DENND1B: variants seen among roughly 807,000 people sequenced by gnomAD.
DENND1B encodes DENN domain-containing protein 1B.
A neutral mutation model predicts 90.1 loss-of-function variants in DENND1B; 59 were observed. The observed-to-expected ratio is 0.65, with a 90% CI of 0.53 to 0.81. The LOEUF (loss-of-function observed/expected upper bound fraction) is 0.81. Among genes scored for constraint, DENND1B ranks in the 40% least tolerant of loss-of-function variants. The pLI is 0.00. For synonymous variants in DENND1B, 337 were observed against 324.6 expected (o/e 1.04, Z -0.41); for missense variants, 862 against 912.6 (o/e 0.94, Z 0.71).
chr1:197,676,619 C>T (rs1270500137), intron 3 of DENND1B, among the ~76,000 whole-genome samples: 1 of 151,078 alleles, frequency 6.6e-6, no homozygotes, highest in Non-Finnish European at 1.5e-5. Context: ...TATTTTTATG[C>T]CAAAAGAGTA....
chr1:197,538,656 ATTTT>A (rs67761711), intron 20 of DENND1B, among the ~76,000 whole-genome samples: 2,978 of 105,806 alleles, frequency 0.028, 51 homozygotes, highest in Non-Finnish European at 0.04. Flanking sequence ...AATTAATGGG[ATTTT>A]TTTTTTTTTT....
At chr1:197,614,712 A>G (rs966125416) in intron 11 of DENND1B, among the ~76,000 whole-genome samples, 9 of 150,898 alleles carry the variant, frequency 6.0e-5, no homozygotes, top group Non-Finnish European at 8.9e-5. Flanking sequence ...ACAGCAGTCT[A>G]TTGGGGTAGT....
intron 15 of DENND1B, among the ~76,000 whole-genome samples, chr1:197,557,175 G>T (rs1271420078): frequency 6.6e-6 from 1 of 151,894 alleles, no homozygotes; most frequent in Non-Finnish European, 1.5e-5. Context: ...GCACACATTT[G>T]TAACACAGTA....
At chr1:197,522,089 C>T (rs1338122092) in intron 20 of DENND1B, among the ~76,000 whole-genome samples, 1 of 151,982 alleles carries the variant, frequency 6.6e-6, no homozygotes, top group Non-Finnish European at 1.5e-5. Flanking sequence ...CTAAAAATGG[C>T]AAGCTATAAA....
chr1:197,561,449 C>T (rs569916679), intron 15 of DENND1B, among the ~76,000 whole-genome samples: 4 of 151,986 alleles, frequency 2.6e-5, no homozygotes, highest in South Asian at 2.1e-4. Context: ...TCATAACCTC[C>T]GTTGCTAGTG....
chr1:197,624,275 A>G (rs894809752), intron 10 of DENND1B, among the ~76,000 whole-genome samples: 2 of 151,706 alleles, frequency 1.3e-5, no homozygotes, highest in African/African-American at 4.8e-5. Context: ...ACATAAATAT[A>G]ATCAACTAAT....
intron 15 of DENND1B, among the ~76,000 whole-genome samples, chr1:197,565,388 C>G (rs903422419): frequency 6.6e-6 from 1 of 151,970 alleles, no homozygotes; most frequent in Non-Finnish European, 1.5e-5. Context: ...TGCTACACCA[C>G]TATGTGACTC....
intron 2 of DENND1B, among the ~76,000 whole-genome samples, chr1:197,727,258 G>C (rs887922080): frequency 6.6e-6 from 1 of 151,968 alleles, no homozygotes. Context: ...AATTAGCGCC[G>C]GGCGCAGTGG....
chr1:197,781,804 T>G, the DENND1B span, among the ~76,000 whole-genome samples: 4 of 152,212 alleles, frequency 2.6e-5, no homozygotes, highest in African/African-American at 9.6e-5. Flanking sequence ...ACACCTTTAC[T>G]ACCAAATCTG....
chr1:197,707,294 G>A (rs922666869), intron 3 of DENND1B, among the ~76,000 whole-genome samples: 9 of 152,086 alleles, frequency 5.9e-5, no homozygotes, highest in Non-Finnish European at 1.2e-4. Flanking sequence ...CCAGAGGTTA[G>A]TTAATGGATC....
At position 197,717,909 on chromosome 1, in the gene DENND1B, G is replaced by A. The variant is rs142867149; in HGVS notation, c.83-2835C>T. ...GAATTCAAAGATGATTAAATGTACA[G>A]TATCTTCAAATTTATGCATTTGTAA... On this transcript the variant is annotated intron_variant, in intron 2 of 22. Transcript: ENST00000620048. Among the ~76,000 whole-genome samples, 77 of 152,076 alleles carry A rather than the reference G, an allele frequency of 5.1e-4. 2 individuals carry two copies. In the East Asian group the frequency reaches 0.014, roughly 28 times the overall value.
At chr1:197,734,840 A>G in intron 2 of DENND1B, 4 of 984,660 alleles carry the variant, frequency 4.1e-6, no homozygotes, top group South Asian at 4.7e-5. Context: ...AAAGAAATAC[A>G]TTTATTCATA....
At chr1:197,663,137 A>G (rs548730898) in intron 5 of DENND1B, among the ~76,000 whole-genome samples, 1 of 152,108 alleles carries the variant, frequency 6.6e-6, no homozygotes, top group African/African-American at 2.4e-5. Flanking sequence ...AAAGACTCAT[A>G]ATTGTATCAT....
At chr1:197,655,681 G>A (rs1484154550) in intron 6 of DENND1B, among the ~76,000 whole-genome samples, 12 of 151,978 alleles carry the variant, frequency 7.9e-5, no homozygotes, top group Non-Finnish European at 1.2e-4. Context: ...ACAGGCGCCC[G>A]CCACCACACC....
At chr1:197,703,700 G>C (rs942211627) in intron 3 of DENND1B, among the ~76,000 whole-genome samples, 3 of 152,130 alleles carry the variant, frequency 2.0e-5, no homozygotes, top group African/African-American at 7.2e-5. Context: ...AATCAATTTT[G>C]ATGGGTTTGC....
At chr1:197,764,335 A>G (rs987554755) in intron 2 of DENND1B, among the ~76,000 whole-genome samples, 3 of 152,218 alleles carry the variant, frequency 2.0e-5, no homozygotes, top group Non-Finnish European at 4.4e-5. Context: ...CATATTATAA[A>G]TACCAAATAA....
At chr1:197,586,108 A>C (rs1340021016) in intron 14 of DENND1B, among the ~76,000 whole-genome samples, 1 of 152,184 alleles carries the variant, frequency 6.6e-6, no homozygotes, top group Non-Finnish European at 1.5e-5. Context: ...TTTTCATAAT[A>C]ATGTAAGTCA....
In DENND1B at chr1:197,581,118, T is replaced by C. The variant is rs545635789; in HGVS notation, c.1149+2034A>G. ...TCATAAATCTTTTGTACCTAATAAA[T>C]ATTTTTATATTTTTTCAGCCATATG... On this transcript the variant is annotated intron_variant, in intron 15 of 22. Transcript: ENST00000620048. 4.6e-5 allele frequency among the ~76,000 whole-genome samples: 7 copies of C among 152,302 alleles called. No homozygotes were observed. The South Asian group carries it at 1.4e-3, about 32-fold the overall frequency.
chr1:197,649,301 CA>C (rs1652846227), intron 7 of DENND1B, among the ~76,000 whole-genome samples: 1 of 152,090 alleles, frequency 6.6e-6, no homozygotes, highest in Non-Finnish European at 1.5e-5. Flanking sequence ...AGGTTTTCAG[CA>C]GGGGACTTTA....
Sources: gnomAD v4.1 joint callset for allele counts (sites outside exome capture counted in the v4.1 genomes callset) on GRCh38, gnomAD v4.1.1 for gene constraint, MANE v1.5 for transcripts, NCBI Gene and HGNC (gene_info 2026-07-23, HGNC 2026-07-21) for gene names.